The following CROCC2 variants were observed in gnomAD, a reference collection of about 807,000 sequenced individuals.
The protein encoded by CROCC2 is ciliary rootlet coiled-coil, rootletin family member 2.
Under a neutral mutation model 177.6 loss-of-function variants are expected in CROCC2, and 163 were observed. That is an observed-to-expected ratio of 0.92 (90% CI 0.81 to 1.05). The LOEUF is 1.05. Among genes scored for constraint, CROCC2 ranks in the 50% least tolerant of loss-of-function variants. The pLI is 0.00. For synonymous variants in CROCC2, 904 were observed against 787.3 expected (o/e 1.15, Z -2.48); for missense variants, 1,929 against 1,797.8 (o/e 1.07, Z -1.32).
intron 1 of CROCC2, among the ~76,000 whole-genome samples, chr2:240,913,478 C>T (rs2059300649): frequency 1.3e-5 from 2 of 152,220 alleles, no homozygotes; most frequent in African/African-American, 4.8e-5. Flanking sequence ...GCTGAGCTCT[C>T]AGTCTTCTGA....
intron 15 of CROCC2, 107 bp from the exon 16 acceptor site, chr2:240,948,872 A>G: frequency 1.0e-6 from 1 of 1,002,846 alleles, no homozygotes; most frequent in Non-Finnish European, 1.5e-6. Context: ...TCTTCCATTT[A>G]TTTGCATTTC....
rs536693178 is a variant in CROCC2, at chr2:240,933,079, G to A, written c.1252-52G>A. ...GTCGCAAGCCCTGGTGGGCCTCGGT[G>A]GGCAAAGCCTGCCTAGGCCAGAGAG... is the stretch of plus-strand genomic sequence containing the variant. On this transcript the variant is annotated intron_variant, in intron 9 of 31. Coordinates refer to ENST00000690015, the MANE Select transcript of CROCC2 (RefSeq NM_001351305.2). 1.9e-3 allele frequency: 2,873 copies of A among 1,544,678 alleles called. 10 individuals carry two copies. The highest frequency in any genetic ancestry group is 3.0e-3 in the South Asian group (252 of 83,920).
At chr2:240,948,757 G>C (rs868379911) in intron 15 of CROCC2, among the ~76,000 whole-genome samples, 1 of 152,196 alleles carries the variant, frequency 6.6e-6, no homozygotes, top group African/African-American at 2.4e-5. Flanking sequence ...TGCGTGCGTG[G>C]CTTTTTGGGG....
At position 240,972,185 on chromosome 2, in the gene CROCC2, G is replaced by A. The variant is rs899916097; in HGVS notation, c.4401+3923G>A. Among the ~76,000 whole-genome samples the A allele has an allele frequency of 6.6e-6, 1 of 152,166 alleles. No individual in the cohort carries two copies. Among genetic ancestry groups the A allele is most frequent in the African/African-American group, 2.4e-5 (1 of 41,426 alleles). ...GGCCTCGTTTGAAGTTGGGAGTGGA[G>A]AGGAACCCATCAGGGACTTTATGTG... On this transcript the variant is annotated intron_variant, in intron 27 of 31. Coordinates refer to ENST00000690015, the MANE Select transcript of CROCC2 (RefSeq NM_001351305.2). The surrounding 1 kb of genome is among the most constrained non-coding windows in gnomAD (Gnocchi z 7.1).
In CROCC2 at chr2:240,936,880, C is replaced by G. The variant is rs2059474449; in HGVS notation, c.2169+1292C>G. ...TAGATTTGTGTCCCCACCCAAATCT[C>G]ATGTCAAATTGGAGGAGGGGCCTGC... On this transcript the variant is annotated intron_variant, in intron 14 of 31. Coordinates refer to ENST00000690015, the MANE Select transcript of CROCC2 (RefSeq NM_001351305.2). Among the ~76,000 whole-genome samples, 3 of 152,250 alleles carry G rather than the reference C, an allele frequency of 2.0e-5. No homozygotes were observed. The South Asian group carries it at 6.2e-4, about 32-fold the overall frequency.
rs908392588 is a variant in CROCC2, at chr2:240,963,665, A to G, written c.3197A>G (p.Gln1066Arg). 49 of 1,549,888 alleles carry G rather than the reference A, an allele frequency of 3.2e-5. No homozygotes were observed. Among genetic ancestry groups the G allele is most frequent in the African/African-American group, 4.1e-5 (3 of 73,002 alleles). Reference sequence around the variant, plus strand: ...CGGGAGGGGCTGCACAGGGAGGCCCAGGAGGCCCGCCGGGCGCTGAGTGAC... The same window carrying G: ...CGGGAGGGGCTGCACAGGGAGGCCCGGGAGGCCCGCCGGGCGCTGAGTGAC... ...ESREGLHREA[Q>R]EARRALSDEA... Residue 1066 changes from glutamine (Q) to arginine (R), a missense_variant, in exon 21 of 32, where the codon CAG (glutamine) becomes CGG (arginine). By Grantham distance (43) the Gln-to-Arg change is conservative. Coordinates refer to ENST00000690015, the MANE Select transcript of CROCC2 (RefSeq NM_001351305.2).
At chr2:240,959,477 G>A (rs1343299183) in intron 20 of CROCC2, 33 bp downstream of exon 20, 1 of 1,546,218 alleles carries the variant, frequency 6.5e-7, no homozygotes, top group African/African-American at 1.4e-5. Flanking sequence ...TCCTGGGGAT[G>A]CCAGAGGACA....
At position 240,958,452 on chromosome 2, in the gene CROCC2, C is replaced by T. The variant is rs1178195932; in HGVS notation, c.2944-849C>T. On this transcript the variant is annotated intron_variant, in intron 19 of 31. Coordinates refer to ENST00000690015, the MANE Select transcript of CROCC2 (RefSeq NM_001351305.2). This position sits in a 1 kb window ranked among gnomAD's most constrained non-coding sequence, Gnocchi z 6.7. ...GCAGGGGGCACAGGCTGCAGGAACCCCCACCCTAGCAGAATCCAGGTGGAC... is the reference window on the plus strand; with the variant it reads ...GCAGGGGGCACAGGCTGCAGGAACCTCCACCCTAGCAGAATCCAGGTGGAC... 1 of 369,390 alleles carries T rather than the reference C, an allele frequency of 2.7e-6. No homozygotes were observed. Among genetic ancestry groups the T allele is most frequent in the Middle Eastern group, 1.3e-3 (1 of 768 alleles). 22.9% of individuals were successfully genotyped at this position (369,390 alleles called of 1,614,324 possible).
rs1335822254 is a variant in CROCC2 at position 240,966,324 on chromosome 2, G to A, written c.4061G>A (p.Arg1354His). The part of the protein sequence containing the change: ...LRWPSPTPGG[R>H]SSELMDVATV... Reference sequence around the variant, plus strand: ...TGGCCCTCGCCCACACCCGGAGGCCGCAGCTCAGAGCTCATGGATGTGGCC... The same window carrying A: ...TGGCCCTCGCCCACACCCGGAGGCCACAGCTCAGAGCTCATGGATGTGGCC... Residue 1354 changes from arginine (R) to histidine (H), a missense_variant, in exon 25 of 32, where the codon CGC becomes CAC. Physicochemically the swap from Arg to His is conservative, Grantham distance 29. Coordinates refer to ENST00000690015, the MANE Select transcript of CROCC2 (RefSeq NM_001351305.2). 14 of 410,560 alleles carry A rather than the reference G, an allele frequency of 3.4e-5. No homozygotes were observed. Among genetic ancestry groups the A allele is most frequent in the African/African-American group, 1.2e-4 (6 of 48,782 alleles). The allele number at this position is 410,560 out of a possible 1,614,324, so 25.4% of individuals were successfully genotyped here. A position where few individuals can be genotyped will look rare whatever the true frequency, so the allele number is the denominator to read the frequency against.
rs181575704 is a variant in CROCC2, at chr2:240,925,785, G to A, written c.550G>A (p.Ala184Thr). The change falls in exon 5 of 32, where the codon GCC becomes ACC. Residue 184 changes from alanine (A) to threonine (T), a missense_variant. Coordinates refer to ENST00000690015, the MANE Select transcript of CROCC2 (RefSeq NM_001351305.2). ...GGAGCAGCTGGAACATATGAAGAAGGCCAATGACGCGCTGGGCCGGGAGCT... is the reference window on the plus strand; with the variant it reads ...GGAGCAGCTGGAACATATGAAGAAGACCAATGACGCGCTGGGCCGGGAGCT... ...LREQLEHMKK[A>T]NDALGRELAG... 1.3e-4 allele frequency: 94 copies of A among 717,074 alleles called. No homozygotes were observed. Among genetic ancestry groups the A allele is most frequent in the African/African-American group, 1.1e-3 (61 of 57,398 alleles). The allele number at this position is 717,074 out of a possible 1,614,324, so 44.4% of individuals were successfully genotyped here.
chr2:240,970,573 C>G (rs563099938), intron 27 of CROCC2, among the ~76,000 whole-genome samples: 2 of 152,226 alleles, frequency 1.3e-5, no homozygotes, highest in Admixed American at 6.5e-5. Context: ...CGCCCTGCCC[C>G]CTCCAGGGGC....
chr2:240,974,445 G>A (rs1053961202), intron 27 of CROCC2, among the ~76,000 whole-genome samples: 13 of 150,324 alleles, frequency 8.6e-5, no homozygotes, highest in South Asian at 4.2e-4. Context: ...GGGCTCAAGC[G>A]ATCCTCCCAC....
rs552453710 is a variant in CROCC2, at chr2:240,973,594, G to T, written c.4401+5332G>T. Reference sequence around the variant, plus strand: ...CCAGTGCCAGCCTTGCAGGTCACCCGCCTGTGGGGGCTCAACTCAGCGTCA... The same window carrying T: ...CCAGTGCCAGCCTTGCAGGTCACCCTCCTGTGGGGGCTCAACTCAGCGTCA... On this transcript the variant is annotated intron_variant, in intron 27 of 31. Coordinates refer to ENST00000690015, the MANE Select transcript of CROCC2 (RefSeq NM_001351305.2). This position sits in a 1 kb window ranked among gnomAD's most constrained non-coding sequence, Gnocchi z 4.7. 2.1e-5 allele frequency among the ~76,000 whole-genome samples: 3 copies of T among 146,288 alleles called. No individual in the cohort carries two copies. Among genetic ancestry groups the T allele is most frequent in the African/African-American group, 5.1e-5 (2 of 39,534 alleles).
At chr2:240,913,862 G>A (rs776921304) in intron 1 of CROCC2, among the ~76,000 whole-genome samples, 2 of 152,270 alleles carry the variant, frequency 1.3e-5, no homozygotes, top group Non-Finnish European at 2.9e-5. Flanking sequence ...TCTCTGCGGC[G>A]GGCCGGGCTG....
At chr2:240,932,675 C>G (rs1326560195) in intron 8 of CROCC2, 27 bp from the exon 9 acceptor site, 34 of 724,874 alleles carry the variant, frequency 4.7e-5, no homozygotes, top group Non-Finnish European at 8.4e-5. Context: ...CTGGGCCCCT[C>G]TATCCCTTCC....
intron 1 of CROCC2, among the ~76,000 whole-genome samples, chr2:240,911,153 A>T (rs545358473): frequency 8.1e-4 from 124 of 152,268 alleles, no homozygotes; most frequent in East Asian, 4.6e-3. Context: ...ATAAATTTTT[A>T]AAAAAATTTT....
intron 4 of CROCC2, among the ~76,000 whole-genome samples, chr2:240,923,476 C>G (rs1257254467): frequency 2.3e-5 from 2 of 85,622 alleles, no homozygotes; most frequent in African/African-American, 4.2e-5. Flanking sequence ...CCCAGCCCCC[C>G]ACACTAACCC....
intron 18 of CROCC2, chr2:240,954,916 G>A (rs4430951): frequency 0.68 from 103,411 of 152,088 alleles, 35,942 homozygotes; most frequent in African/African-American, 0.82. Context: ...AGCTTCCTCC[G>A]AGGATCCAGG....
rs1226753019 is a variant in CROCC2, at chr2:240,993,189, G to C, written c.*108G>C. Reference sequence around the variant, plus strand: ...CAGCGTCACAGTGAAAGGCACCCGTGATGAGACAGCTCGCTCTCGGCAGTT... The same window carrying C: ...CAGCGTCACAGTGAAAGGCACCCGTCATGAGACAGCTCGCTCTCGGCAGTT... On this transcript the variant is annotated 3_prime_UTR_variant, in exon 32 of 32. Transcript: ENST00000690015. The C allele has an allele frequency of 7.4e-6, 5 of 671,270 alleles. No individual in the cohort carries two copies. Among genetic ancestry groups the C allele is most frequent in the African/African-American group, 1.8e-5 (1 of 55,998 alleles). The allele number at this position is 671,270 out of a possible 1,614,324, so 41.6% of individuals were successfully genotyped here. A position where few individuals can be genotyped will look rare whatever the true frequency, so the allele number is the denominator to read the frequency against.
Sources: allele counts gnomAD v4.1 joint callset (sites outside exome capture counted in the v4.1 genomes callset), GRCh38; gene constraint gnomAD v4.1.1; non-coding constraint Gnocchi (gnomAD v3.1); transcripts MANE v1.5; gene names NCBI Gene and HGNC (gene_info 2026-07-23, HGNC 2026-07-21).